FRMPD4: variants seen among roughly 807,000 people sequenced by gnomAD.
The protein encoded by FRMPD4 is FERM and PDZ domain containing 4, also known as FERM and PDZ domain-containing protein 4.
A neutral mutation model predicts 94.1 loss-of-function variants in FRMPD4; 22 were observed. That is an observed-to-expected ratio of 0.23 (90% CI 0.17 to 0.33). The LOEUF (loss-of-function observed/expected upper bound fraction) is 0.33, where lower values mean the gene tolerates loss of function less well. FRMPD4 is among the 10% of genes least tolerant of loss of function. FRMPD4 has a pLI of 1.00. For missense variants in FRMPD4, 1,111 were observed against 1,339.9 expected (o/e 0.83, Z 2.67); for synonymous variants, 631 against 548.6 (o/e 1.15, Z -2.10).
At chrX:12,071,953 C>T (rs766485390) in intron 3 of FRMPD4, among the ~76,000 whole-genome samples, 5 of 111,601 alleles carry the variant, frequency 4.5e-5, no homozygotes, top group African/African-American at 1.6e-4. Context: ...AAGTTTACCA[C>T]GTCTGACATC....
chrX:12,133,932 C>T (rs1410433059), upstream of FRMPD4, among the ~76,000 whole-genome samples: 1 of 112,447 alleles, frequency 8.9e-6, no homozygotes, highest in Non-Finnish European at 1.9e-5. Flanking sequence ...CTACTGTGCC[C>T]CATGTGATCT....
chrX:11,995,563 A>C (rs1214976707), intron 3 of FRMPD4, among the ~76,000 whole-genome samples: 1 of 111,839 alleles, frequency 8.9e-6, no homozygotes, highest in East Asian at 2.8e-4. Flanking sequence ...ATACTCCTTA[A>C]AATTGAAGAT....
chrX:12,442,295 T>C (rs2057146925), intron 1 of FRMPD4, among the ~76,000 whole-genome samples: 1 of 111,591 alleles, frequency 9.0e-6, no homozygotes, highest in African/African-American at 3.3e-5. Flanking sequence ...TGTTCCAGTC[T>C]GCTATACAAA....
At chrX:12,439,239 G>A (rs1341413422) in intron 1 of FRMPD4, among the ~76,000 whole-genome samples, 1 of 111,296 alleles carries the variant, frequency 9.0e-6, no homozygotes, top group Non-Finnish European at 1.9e-5. Context: ...AATGGGAATT[G>A]GGGTTCTGGA....
chrX:11,932,592 G>A (rs943967439), intron 3 of FRMPD4, among the ~76,000 whole-genome samples: 3 of 110,493 alleles, frequency 2.7e-5, no homozygotes, highest in Non-Finnish European at 5.7e-5. Flanking sequence ...AGTTAGGTGT[G>A]TAAAACTGTG....
intron 3 of FRMPD4, among the ~76,000 whole-genome samples, chrX:12,086,667 G>T (rs949381961): frequency 1.8e-5 from 2 of 111,522 alleles, no homozygotes; most frequent in African/African-American, 6.5e-5. Context: ...AAGCTAGGCT[G>T]GTCCTGAGAA....
intron 1 of FRMPD4, among the ~76,000 whole-genome samples, chrX:12,476,046 C>G (rs1458653784): frequency 8.9e-6 from 1 of 111,949 alleles, no homozygotes; most frequent in Non-Finnish European, 1.9e-5. Flanking sequence ...AGGCATCACA[C>G]TACCTGACTT....
intron 3 of FRMPD4, among the ~76,000 whole-genome samples, chrX:12,026,218 TAGAC>T (rs1005709013): frequency 8.9e-6 from 1 of 111,780 alleles, no homozygotes; most frequent in Non-Finnish European, 1.9e-5. Context: ...AAGAGGTCTT[TAGAC>T]AGAATCCTTA....
intron 1 of FRMPD4, among the ~76,000 whole-genome samples, chrX:12,142,730 G>A (rs1470423529): frequency 9.0e-6 from 1 of 111,643 alleles, no homozygotes; most frequent in African/African-American, 3.3e-5. Context: ...AAGTCTAGTC[G>A]CTCGCAGTTC....
chrX:12,489,126 G>A (rs1392605765), intron 1 of FRMPD4, among the ~76,000 whole-genome samples: 1 of 111,618 alleles, frequency 9.0e-6, no homozygotes, highest in Non-Finnish European at 1.9e-5. Context: ...TTAGAACTTA[G>A]CCTCCTCAGA....
At chrX:11,913,661 TTA>T (rs1031603373) in intron 3 of FRMPD4, among the ~76,000 whole-genome samples, 3 of 109,867 alleles carry the variant, frequency 2.7e-5, no homozygotes, top group Non-Finnish European at 5.7e-5. Flanking sequence ...TCCAAATATA[TTA>T]TATATGTTTT....
Position 12,530,063 on chromosome X carries a change from G to A in FRMPD4, c.158+31267G>A, listed in dbSNP as rs183969401. On this transcript the variant is annotated intron_variant, in intron 2 of 16. Coordinates refer to ENST00000675598, the MANE Select transcript of FRMPD4 (RefSeq NM_001368397.1). ...TTTAGGATTTCAACATGAATTTTAG[G>A]GGCACACAAACACTCAGGCCATAGA... Among the ~76,000 whole-genome samples, 9 of 111,447 alleles carry A rather than the reference G, an allele frequency of 8.1e-5. 1 individual carries two copies. The highest frequency in any genetic ancestry group is 7.6e-4 in the Admixed American group (8 of 10,483).
intron 1 of FRMPD4, among the ~76,000 whole-genome samples, chrX:12,150,233 C>G (rs143229926): frequency 0.022 from 2,436 of 112,162 alleles, 26 homozygotes; most frequent in Non-Finnish European, 0.031. Context: ...TGAAACCATA[C>G]TGTATTCCAC....
intron 1 of FRMPD4, among the ~76,000 whole-genome samples, chrX:12,411,823 A>T (rs1309182830): frequency 1.8e-5 from 2 of 111,275 alleles, no homozygotes; most frequent in Non-Finnish European, 3.8e-5. Flanking sequence ...TCCTGACATC[A>T]TATCTAGGCA....
chrX:12,456,102 C>T (rs900023502), intron 1 of FRMPD4, among the ~76,000 whole-genome samples: 3 of 112,041 alleles, frequency 2.7e-5, no homozygotes, highest in Non-Finnish European at 5.6e-5. Flanking sequence ...CTGGTTTCCT[C>T]ATTTTCAAAT....
At chrX:12,054,037 A>G (rs1294518995) in intron 3 of FRMPD4, among the ~76,000 whole-genome samples, 1 of 111,172 alleles carries the variant, frequency 9.0e-6, no homozygotes, top group Non-Finnish European at 1.9e-5. Context: ...GTTCCTTTCC[A>G]CTGGGAATAG....
rs190300696 is a variant in FRMPD4 at position 12,674,817 on chromosome X, C to T, written c.423-46C>T. ...AAGAAAACTCTTACTAGTTAGAGTC[C>T]GGGCTCAGTGCATATCATAAATATG... On this transcript the variant is annotated intron_variant, in intron 4 of 16. Coordinates refer to ENST00000675598, the MANE Select transcript of FRMPD4 (RefSeq NM_001368397.1). 386 of 813,996 alleles carry T rather than the reference C, an allele frequency of 4.7e-4. 1 individual carries two copies. The highest frequency in any genetic ancestry group is 4.9e-4 in the Admixed American group (22 of 45,119). 67.1% of individuals were successfully genotyped at this position (813,996 alleles called of 1,213,427 possible).
At chrX:12,071,936 T>C (rs1276186263) in intron 3 of FRMPD4, among the ~76,000 whole-genome samples, 1 of 111,776 alleles carries the variant, frequency 8.9e-6, no homozygotes, top group Non-Finnish European at 1.9e-5. Context: ...TTTAGATAAA[T>C]GGTCTAAAGT....
chrX:12,674,338 T>A (rs761854132), intron 4 of FRMPD4, among the ~76,000 whole-genome samples: 103 of 111,792 alleles, frequency 9.2e-4, no homozygotes, highest in African/African-American at 3.2e-3. Flanking sequence ...GGGATGCTAT[T>A]TTTTTCATAA....
Sources: allele counts gnomAD v4.1 joint callset (sites outside exome capture counted in the v4.1 genomes callset), GRCh38; gene constraint gnomAD v4.1.1; transcripts MANE v1.5; gene names NCBI Gene and HGNC (gene_info 2026-07-23, HGNC 2026-07-21).